The following XPR1 variants were observed in gnomAD, a reference collection of about 807,000 sequenced individuals.
XPR1 encodes the protein xenotropic and polytropic retrovirus receptor 1.
A neutral mutation model predicts 87.5 loss-of-function variants in XPR1; 28 were observed. That is an observed-to-expected ratio of 0.32 (90% CI 0.24 to 0.44). The LOEUF (loss-of-function observed/expected upper bound fraction) is 0.44, where lower values mean the gene tolerates loss of function less well. XPR1 is among the 20% of genes least tolerant of loss of function. XPR1 has a pLI of 1.00. For synonymous variants in XPR1, 300 were observed against 306.1 expected, an observed-to-expected ratio of 0.98 and a Z score of 0.21; for missense variants, 559 against 862.3, an observed-to-expected ratio of 0.65 and a Z score of 4.41.
At chr1:180,732,331 A>T (rs779582634) in intron 2 of XPR1, among the ~76,000 whole-genome samples, 3 of 151,874 alleles carry the variant, frequency 2.0e-5, no homozygotes, top group Non-Finnish European at 2.9e-5. Context: ...ACATTTTCTC[A>T]TGGTTATTTT....
At chr1:180,810,417 C>CA (rs1448601271) in intron 6 of XPR1, among the ~76,000 whole-genome samples, 38 of 151,958 alleles carry the variant, frequency 2.5e-4, no homozygotes, top group Non-Finnish European at 4.0e-4. Flanking sequence ...CTCATCTCTA[C>CA]AAAAAATACA....
intron 1 of XPR1, among the ~76,000 whole-genome samples, chr1:180,659,360 C>T (rs1010115874): frequency 7.6e-6 from 1 of 132,350 alleles, no homozygotes; most frequent in South Asian, 2.7e-4. Context: ...TCCGTCCTTC[C>T]GTCCTTCCGT....
At chr1:180,811,523 A>T (rs1650213020) in intron 7 of XPR1, 35 bp downstream of exon 7, 1 of 1,538,622 alleles carries the variant, frequency 6.5e-7, no homozygotes, top group Admixed American at 1.7e-5. Flanking sequence ...ATTTATTCTT[A>T]CCAATATGCC....
At chr1:180,812,649 C>CT (rs955473305) in intron 7 of XPR1, among the ~76,000 whole-genome samples, 11,268 of 134,286 alleles carry the variant, frequency 0.084, 688 homozygotes, top group African/African-American at 0.17. Context: ...GCAGCCATTT[C>CT]TTTTTTTTTT....
chr1:180,739,089 A>G (rs1009186684), intron 2 of XPR1, among the ~76,000 whole-genome samples: 2 of 152,012 alleles, frequency 1.3e-5, no homozygotes, highest in Non-Finnish European at 2.9e-5. Flanking sequence ...TTTCTTAGAT[A>G]TGGACATCCA....
At chr1:180,756,206 G>T (rs4652527) in intron 2 of XPR1, among the ~76,000 whole-genome samples, 1 of 151,916 alleles carries the variant, frequency 6.6e-6, no homozygotes, top group African/African-American at 2.4e-5. Context: ...GAATTGAGGC[G>T]CATTTTACAA....
chr1:180,645,665 G>T (rs1295244539), intron 1 of XPR1, among the ~76,000 whole-genome samples: 1 of 152,228 alleles, frequency 6.6e-6, no homozygotes, highest in Non-Finnish European at 1.5e-5. Context: ...AGATGTGTGT[G>T]CTCTGCATCC....
intron 2 of XPR1, among the ~76,000 whole-genome samples, chr1:180,764,170 A>G (rs1367114480): frequency 6.6e-6 from 1 of 152,190 alleles, no homozygotes; most frequent in East Asian, 1.9e-4. Context: ...TGAGCTAGTG[A>G]CACCTTTGCT....
chr1:180,836,913 AAAG>A (rs1166568273), intron 11 of XPR1, among the ~76,000 whole-genome samples, 197 bp downstream of exon 11: 5 of 152,192 alleles, frequency 3.3e-5, no homozygotes, highest in South Asian at 2.1e-4. Context: ...GTACCATTGA[AAAG>A]AAGCACAGTC....
At chr1:180,774,239 G>A (rs1648622990) in intron 2 of XPR1, among the ~76,000 whole-genome samples, 1 of 152,038 alleles carries the variant, frequency 6.6e-6, no homozygotes, top group South Asian at 2.1e-4. Flanking sequence ...ATTTGGTTAT[G>A]TTGCTGTGAA....
rs1205797425 is a variant in XPR1, at chr1:180,806,063, A to G, written c.449A>G (p.Asn150Ser). ...LSLILLQNYQ[N>S]LNFTGFRKIL... Reference sequence around the variant, plus strand: ...TGTGTTTCTCATTTCTTTCTGTAGAATCTGAATTTTACAGGGTTTCGAAAA... The same window carrying G: ...TGTGTTTCTCATTTCTTTCTGTAGAGTCTGAATTTTACAGGGTTTCGAAAA... The change falls in exon 5 of 15, where the codon AAT (asparagine) becomes AGT (serine). Residue 150 changes from asparagine (N) to serine (S), a missense_variant and splice_region_variant. This residue lies in a region of XPR1 where 159 missense variants were observed against 263.3 expected (regional missense o/e 0.60). Coordinates refer to ENST00000367590, the MANE Select transcript of XPR1 (RefSeq NM_004736.4). 1.9e-6 allele frequency: 3 copies of G among 1,611,960 alleles called. No homozygotes were observed. Among genetic ancestry groups the G allele is most frequent in the Admixed American group, 3.4e-5 (2 of 59,612 alleles).
At chr1:180,800,220 G>A (rs1558014056) in intron 3 of XPR1, among the ~76,000 whole-genome samples, 2 of 152,106 alleles carry the variant, frequency 1.3e-5, no homozygotes, top group East Asian at 1.9e-4. Flanking sequence ...GTCTCATCTG[G>A]GCTGATATTT....
chr1:180,778,207 C>A (rs1648798856), intron 2 of XPR1, among the ~76,000 whole-genome samples: 1 of 152,072 alleles, frequency 6.6e-6, no homozygotes, highest in African/African-American at 2.4e-5. Context: ...TGGTCTCCAA[C>A]TCCTGGGCTC....
chr1:180,809,230 GAGATC>G (rs1650118595), intron 6 of XPR1, among the ~76,000 whole-genome samples: 1 of 152,076 alleles, frequency 6.6e-6, no homozygotes, highest in Non-Finnish European at 1.5e-5. Context: ...TGACAGAAAG[GAGATC>G]AGTGGTTGCT....
intron 11 of XPR1, among the ~76,000 whole-genome samples, chr1:180,840,015 A>G (rs2102175023): frequency 6.6e-6 from 1 of 151,742 alleles, no homozygotes; most frequent in East Asian, 1.9e-4. Flanking sequence ...TGAGGTCAGG[A>G]GATCGAGACC....
At chr1:180,767,421 CA>C (rs1178831674) in intron 2 of XPR1, among the ~76,000 whole-genome samples, 3 of 152,122 alleles carry the variant, frequency 2.0e-5, no homozygotes, top group Non-Finnish European at 4.4e-5. Context: ...TGGATCTGTT[CA>C]GTCATTTTGA....
At chr1:180,832,979 C>G (rs1651126314) in intron 9 of XPR1, among the ~76,000 whole-genome samples, 1 of 152,196 alleles carries the variant, frequency 6.6e-6, no homozygotes, top group Non-Finnish European at 1.5e-5. Context: ...AATATTGATT[C>G]TTCCTATCCA....
chr1:180,773,471 G>C (rs140492854), intron 2 of XPR1, among the ~76,000 whole-genome samples: 1 of 152,278 alleles, frequency 6.6e-6, no homozygotes, highest in East Asian at 1.9e-4. Flanking sequence ...ACTATTTTAA[G>C]CTAAATAATT....
chr1:180,874,798 A>G (rs1652609614), intron 13 of XPR1, among the ~76,000 whole-genome samples: 1 of 152,222 alleles, frequency 6.6e-6, no homozygotes, highest in Non-Finnish European at 1.5e-5. Flanking sequence ...CTACCTTTGC[A>G]CTATAGAAAT....
Sources: allele counts gnomAD v4.1 joint callset (sites outside exome capture counted in the v4.1 genomes callset), GRCh38; gene constraint gnomAD v4.1.1; regional missense constraint gnomAD v4.1.1; transcripts MANE v1.5; gene names NCBI Gene and HGNC (gene_info 2026-07-23, HGNC 2026-07-21).